UBE3C: variants seen among roughly 807,000 people sequenced by gnomAD.
UBE3C encodes the protein ubiquitin-protein ligase E3C.
Under a neutral mutation model 129.4 loss-of-function variants are expected in UBE3C, and 42 were observed. That is an observed-to-expected ratio of 0.32 (90% confidence interval 0.25 to 0.42). UBE3C has a LOEUF of 0.42. Among genes scored for constraint, UBE3C ranks in the 10% least tolerant of loss-of-function variants. The probability of loss-of-function intolerance (pLI) is 1.00; values close to 1 mark genes in which losing one functional copy is unlikely to be tolerated. For synonymous variants in UBE3C, 510 were observed against 492.4 expected (o/e 1.04, Z -0.47); for missense variants, 1,049 against 1,319.1 (o/e 0.80, Z 3.17).
intron 13 of UBE3C, among the ~76,000 whole-genome samples, chr7:157,214,515 G>T (rs543729424): frequency 1.4e-4 from 22 of 152,312 alleles, no homozygotes; most frequent in South Asian, 8.3e-4. Flanking sequence ...ATGTAAATAT[G>T]TCAGAAAGGA....
chr7:157,181,482 A>G, intron 6 of UBE3C, 36 bp from the exon 7 acceptor site: 1 of 1,539,390 alleles, frequency 6.5e-7, no homozygotes, highest in Non-Finnish European at 8.7e-7. Flanking sequence ...TTACAGGAAA[A>G]GGCACTAAAT....
chr7:157,241,890 C>T (rs553942981), intron 18 of UBE3C, among the ~76,000 whole-genome samples: 14 of 152,190 alleles, frequency 9.2e-5, no homozygotes, highest in African/African-American at 3.1e-4. Context: ...ATGTTCTGCC[C>T]GGTGAGAGCA....
At position 157,233,025 on chromosome 7, in the gene UBE3C, C is replaced by T. The variant is rs181410913; in HGVS notation, c.2481+1698C>T. On this transcript the variant is annotated intron_variant, in intron 18 of 22. Transcript: ENST00000348165. Reference sequence around the variant, plus strand: ...CAATGTCATCATCCCAAAAAGGAAACGCTAGGTAGTCACTCCCTATCCTGC... The same window carrying T: ...CAATGTCATCATCCCAAAAAGGAAATGCTAGGTAGTCACTCCCTATCCTGC... Among the ~76,000 whole-genome samples, 881 of 152,180 alleles carry T rather than the reference C, an allele frequency of 5.8e-3. 5 individuals carry two copies. The highest frequency in any genetic ancestry group is 0.019 in the African/African-American group (808 of 41,528).
intron 21 of UBE3C, among the ~76,000 whole-genome samples, chr7:157,256,319 A>G (rs181518610): frequency 6.1e-4 from 93 of 151,936 alleles, no homozygotes; most frequent in African/African-American, 2.1e-3. Context: ...ATTTTTGTAC[A>G]TTTGGTAGAG....
intron 18 of UBE3C, chr7:157,231,681 T>G: frequency 3.6e-6 from 1 of 278,310 alleles, no homozygotes; most frequent in Non-Finnish European, 6.9e-6. Flanking sequence ...AGCTTTGTGA[T>G]GCCCTGTGCC....
At chr7:157,157,184 T>C (rs1166195038) in intron 1 of UBE3C, among the ~76,000 whole-genome samples, 3 of 152,136 alleles carry the variant, frequency 2.0e-5, no homozygotes, top group Non-Finnish European at 4.4e-5. Flanking sequence ...AATTAAAAAA[T>C]TCAATATACA....
intron 17 of UBE3C, among the ~76,000 whole-genome samples, chr7:157,228,820 A>G (rs1052088869): frequency 6.6e-6 from 1 of 152,172 alleles, no homozygotes; most frequent in Middle Eastern, 3.2e-3. Flanking sequence ...AGTAAATTGT[A>G]TTTGCCCTAT....
At chr7:157,186,221 C>T (rs1395075912) in intron 9 of UBE3C, among the ~76,000 whole-genome samples, 3 of 151,892 alleles carry the variant, frequency 2.0e-5, no homozygotes, top group East Asian at 1.9e-4. Context: ...GTTAGGAGTT[C>T]GAGACCAGCC....
At position 157,223,274 on chromosome 7, in the gene UBE3C, C is replaced by T; in HGVS notation, c.2023C>T (p.Leu675=). The T allele has an allele frequency of 6.2e-7, 1 of 1,614,170 alleles. No homozygotes were observed. The highest frequency in any genetic ancestry group is 2.2e-5 in the East Asian group (1 of 44,878). ...TTTAGTGGGTTTGGAGTCCCCGCCG[C>T]TGTCTGTGTCTGAGGAAAGACAGCT... The part of the protein sequence containing the change: ...TLDVGLESPP[L]SVSEERQLAV... The change falls in exon 16 of 23, where the codon CTG becomes TTG. Residue 675 remains leucine, a synonymous_variant. Coordinates refer to ENST00000348165, the MANE Select transcript of UBE3C (RefSeq NM_014671.3).
intron 18 of UBE3C, chr7:157,231,651 T>G: frequency 2.0e-5 from 6 of 307,480 alleles, no homozygotes; most frequent in Non-Finnish European, 3.7e-5. Flanking sequence ...CCTGGTGACT[T>G]TTTACAGGAG....
At chr7:157,205,726 T>C (rs1373200748) in intron 11 of UBE3C, among the ~76,000 whole-genome samples, 1 of 152,234 alleles carries the variant, frequency 6.6e-6, no homozygotes, top group Non-Finnish European at 1.5e-5. Flanking sequence ...TAGTGCTAAA[T>C]GCAGAGTATC....
intron 1 of UBE3C, among the ~76,000 whole-genome samples, chr7:157,155,954 T>C (rs6946660): frequency 0.48 from 72,252 of 152,042 alleles, 19,795 homozygotes; most frequent in African/African-American, 0.77. Context: ...CTAGGCATCC[T>C]TACGGGTTCT....
chr7:157,233,948 T>C (rs1796087637), intron 18 of UBE3C, among the ~76,000 whole-genome samples: 1 of 152,244 alleles, frequency 6.6e-6, no homozygotes, highest in Non-Finnish European at 1.5e-5. Flanking sequence ...TGACTAATAA[T>C]GTTGACCATC....
chr7:157,219,002 A>G (rs1795662158), intron 14 of UBE3C, among the ~76,000 whole-genome samples: 1 of 152,228 alleles, frequency 6.6e-6, no homozygotes, highest in Non-Finnish European at 1.5e-5. Context: ...ACCTCAGGCA[A>G]AACAGATAGT....
chr7:157,211,191 A>C (rs868354510), intron 13 of UBE3C, among the ~76,000 whole-genome samples: 13 of 151,704 alleles, frequency 8.6e-5, no homozygotes, highest in African/African-American at 1.2e-4. Context: ...AGAGAGAGAG[A>C]GAGCCATACT....
intron 21 of UBE3C, among the ~76,000 whole-genome samples, chr7:157,255,764 T>G (rs1020448840): frequency 1.3e-5 from 2 of 152,190 alleles, no homozygotes; most frequent in Non-Finnish European, 2.9e-5. Context: ...AGCAATTATT[T>G]TAGGTTTAGG....
chr7:157,186,978 C>T lies in UBE3C; in HGVS notation c.1288C>T (p.His430Tyr). The change falls in exon 10 of 23, where the codon CAC (histidine) becomes TAC (tyrosine). Residue 430 changes from histidine to tyrosine, a missense_variant. His to Tyr is a moderately conservative substitution (Grantham distance 83). Around this residue, in one of 4 missense-constraint regions of UBE3C, gnomAD observed 489 missense variants for 513.8 expected, o/e 0.95. Coordinates refer to ENST00000348165, the MANE Select transcript of UBE3C (RefSeq NM_014671.3). ...CTTCACCACCATGGCCTCCGTCTGC[C>T]ACACGCTGATGGTGCAGCACCGCAT... is the stretch of plus-strand genomic sequence containing the variant. ...EVFTTMASVCHTLMVQHRMMV... is the reference protein window; with the variant it reads ...EVFTTMASVCYTLMVQHRMMV... The T allele has an allele frequency of 6.2e-7, 1 of 1,612,186 alleles. No homozygotes were observed. Among genetic ancestry groups the T allele is most frequent in the Non-Finnish European group, 8.5e-7 (1 of 1,179,172 alleles).
At position 157,262,409 on chromosome 7, in the gene UBE3C, C is replaced by CTTTTTTTTTTTTTTTTTTT. The variant is rs371300314; in HGVS notation, c.3082-5167_3082-5149dup. Among the ~76,000 whole-genome samples, 9 of 54,038 alleles carry CTTTTTTTTTTTTTTTTTTT rather than the reference C, an allele frequency of 1.7e-4. 2 individuals carry two copies. The highest frequency in any genetic ancestry group is 6.7e-4 in the African/African-American group (9 of 13,440). 35.5% of individuals were successfully genotyped at this position (54,038 alleles called of 152,430 possible). On this transcript the variant is annotated intron_variant, in intron 22 of 22. Transcript: ENST00000348165. ...AGAATCATGTAAGTCTCTTCATAGG[C>CTTTTTTTTTTTTTTTTTTT]TTTTTTTTTTTTTTTTTTTTTTTTT...
At chr7:157,159,228 G>A (rs1262267568) in intron 1 of UBE3C, among the ~76,000 whole-genome samples, 1 of 151,728 alleles carries the variant, frequency 6.6e-6, no homozygotes, top group East Asian at 1.9e-4. Flanking sequence ...GTGGAGGAAA[G>A]AATTGTGGAA....
Sources: gnomAD v4.1 joint callset for allele counts (sites outside exome capture counted in the v4.1 genomes callset) on GRCh38, gnomAD v4.1.1 for gene constraint, gnomAD v4.1.1 regional missense constraint, MANE v1.5 for transcripts, NCBI Gene and HGNC (gene_info 2026-07-23, HGNC 2026-07-21) for gene names.